AUH: variants seen among roughly 807,000 people sequenced by gnomAD.
The protein encoded by AUH is methylglutaconyl-CoA hydratase, mitochondrial.
A neutral mutation model predicts 42.3 loss-of-function variants in AUH; 29 were observed. The ratio of observed to expected loss-of-function variants is 0.69; its 90% CI spans 0.51 to 0.93. The LOEUF is 0.93. AUH is among the 40% of genes least tolerant of loss of function. The probability of loss-of-function intolerance (pLI) is 0.00; values close to 1 mark genes in which losing one functional copy is unlikely to be tolerated. For missense variants in AUH, 452 were observed against 438.1 expected, an observed-to-expected ratio of 1.03 and a Z score of -0.28; for synonymous variants, 174 against 166.4, an observed-to-expected ratio of 1.05 and a Z score of -0.35.
chr9:91,341,366 T>G (rs1339158325), intron 3 of AUH, among the ~76,000 whole-genome samples: 3 of 152,192 alleles, frequency 2.0e-5, no homozygotes, highest in African/African-American at 7.2e-5. Flanking sequence ...TCCCTTGTGG[T>G]AGCAGGTGGG....
At chr9:91,251,780 C>T (rs1012244036) in intron 6 of AUH, among the ~76,000 whole-genome samples, 2 of 152,012 alleles carry the variant, frequency 1.3e-5, no homozygotes, top group African/African-American at 4.8e-5. Flanking sequence ...TCACGCTGCC[C>T]CTTTAAGTGC....
At chr9:91,239,494 G>C (rs1828381105) in intron 6 of AUH, among the ~76,000 whole-genome samples, 1 of 152,150 alleles carries the variant, frequency 6.6e-6, no homozygotes, top group South Asian at 2.1e-4. Context: ...AGATGGCCTA[G>C]GCAAGAGCTT....
At chr9:91,303,839 T>A (rs1190917974) in intron 4 of AUH, among the ~76,000 whole-genome samples, 1 of 152,176 alleles carries the variant, frequency 6.6e-6, no homozygotes, top group Non-Finnish European at 1.5e-5. Context: ...TTTACCTTCA[T>A]CCTAATGTAT....
intron 6 of AUH, among the ~76,000 whole-genome samples, chr9:91,269,927 G>A (rs1016683142): frequency 6.6e-6 from 1 of 152,160 alleles, no homozygotes; most frequent in African/African-American, 2.4e-5. Flanking sequence ...TAACTACAAA[G>A]AGAAACAAAG....
Position 91,356,081 on chromosome 9 carries a change from C to A in AUH, c.330+7G>T. On this transcript the variant is annotated splice_region_variant and intron_variant, in intron 2 of 9. Transcript: ENST00000375731. ...TTAGAAGCAAACAGTTTAATCTTTACACTCACCATTTTTATAAGATTTTTA... is the reference window on the plus strand; with the variant it reads ...TTAGAAGCAAACAGTTTAATCTTTAAACTCACCATTTTTATAAGATTTTTA... The A allele has an allele frequency of 1.2e-6, 2 of 1,610,710 alleles. No individual in the cohort carries two copies. Among genetic ancestry groups the A allele is most frequent in the Non-Finnish European group, 1.7e-6 (2 of 1,177,360 alleles).
chr9:91,229,013 A>G (rs1827702907), intron 6 of AUH, among the ~76,000 whole-genome samples: 1 of 122,502 alleles, frequency 8.2e-6, no homozygotes, highest in African/African-American at 3.2e-5. Flanking sequence ...TGTGGTGCTG[A>G]AAAAAATGTA....
intron 4 of AUH, among the ~76,000 whole-genome samples, chr9:91,308,006 T>C (rs1690319871): frequency 1.3e-5 from 2 of 152,206 alleles, no homozygotes; most frequent in Non-Finnish European, 1.5e-5. Context: ...AGTGTAATAA[T>C]GATGATAAGG....
chr9:91,332,819 A>C (rs947915491), intron 3 of AUH, among the ~76,000 whole-genome samples: 5 of 152,218 alleles, frequency 3.3e-5, no homozygotes, highest in Admixed American at 6.5e-5. Flanking sequence ...GGTCATGTAC[A>C]AAAAATGGGG....
At chr9:91,248,961 T>C (rs16907299) in intron 6 of AUH, among the ~76,000 whole-genome samples, 6,324 of 152,220 alleles carry the variant, frequency 0.042, 417 homozygotes, top group African/African-American at 0.14. Flanking sequence ...TTGCAGTGGA[T>C]ACCTCCATGT....
chr9:91,231,683 G>A (rs942528967), intron 6 of AUH, among the ~76,000 whole-genome samples: 1 of 152,196 alleles, frequency 6.6e-6, no homozygotes, highest in Non-Finnish European at 1.5e-5. Flanking sequence ...CAGCCCTAAT[G>A]CATTCAAGGT....
At chr9:91,220,716 C>G (rs548132908) in intron 7 of AUH, 89 bp downstream of exon 7, 2 of 1,457,738 alleles carry the variant, frequency 1.4e-6, no homozygotes, top group African/African-American at 1.4e-5. Context: ...CCAGGGACTT[C>G]TTCCATAGGC....
intron 6 of AUH, among the ~76,000 whole-genome samples, chr9:91,244,334 A>T (rs1171600534): frequency 1.3e-5 from 2 of 152,252 alleles, no homozygotes; most frequent in Non-Finnish European, 2.9e-5. Flanking sequence ...CAAAGCTGTC[A>T]TAATAAAATG....
At chr9:91,291,323 G>T (rs1009632145) in intron 6 of AUH, among the ~76,000 whole-genome samples, 1 of 152,088 alleles carries the variant, frequency 6.6e-6, no homozygotes, top group Non-Finnish European at 1.5e-5. Flanking sequence ...GGGTGGGGGT[G>T]GAGGCGGCAT....
chr9:91,241,202 A>T (rs1232212418), intron 6 of AUH, among the ~76,000 whole-genome samples: 2 of 152,190 alleles, frequency 1.3e-5, no homozygotes, highest in East Asian at 3.9e-4. Context: ...GAGAAACAAA[A>T]CTAATAGAAA....
At chr9:91,360,448 A>G (rs539569334) in intron 1 of AUH, 2 of 152,328 alleles carry the variant, frequency 1.3e-5, no homozygotes, top group African/African-American at 2.4e-5. Context: ...TGTCTGGAAT[A>G]ATAAGTAAGG....
chr9:91,314,405 C>T (rs1828980861), intron 4 of AUH, among the ~76,000 whole-genome samples: 2 of 151,230 alleles, frequency 1.3e-5, no homozygotes, highest in South Asian at 2.1e-4. Context: ...ATCACTTGAG[C>T]CCCGGAGGTC....
intron 6 of AUH, among the ~76,000 whole-genome samples, chr9:91,276,686 G>A (rs2131541166): frequency 6.6e-6 from 1 of 152,262 alleles, no homozygotes; most frequent in South Asian, 2.1e-4. Context: ...GGATCTTTAT[G>A]TGATATGCAC....
rs190467286 is a variant in AUH, at chr9:91,222,736, G to A, written c.656-1744C>T. Among the ~76,000 whole-genome samples the A allele has an allele frequency of 2.0e-5, 3 of 152,238 alleles. No homozygotes were observed. In the East Asian group the frequency reaches 5.8e-4, roughly 29 times the overall value. On this transcript the variant is annotated intron_variant, in intron 6 of 9. Transcript: ENST00000375731. ...AACTCAGATAACTATATTTACTCAT[G>A]GAGCTGATGAGAATTTTGATGAGAC... is the stretch of plus-strand genomic sequence containing the variant.
intron 6 of AUH, among the ~76,000 whole-genome samples, chr9:91,244,911 T>C (rs1339766958): frequency 6.6e-6 from 1 of 152,224 alleles, no homozygotes; most frequent in Non-Finnish European, 1.5e-5. Flanking sequence ...AGCCATACTG[T>C]CAGTATTTTA....
Sources: gnomAD v4.1 joint callset for allele counts (sites outside exome capture counted in the v4.1 genomes callset) on GRCh38, gnomAD v4.1.1 for gene constraint, MANE v1.5 for transcripts, NCBI Gene and HGNC (gene_info 2026-07-23, HGNC 2026-07-21) for gene names.